The following LRRC71 variants were observed in gnomAD, a reference collection of about 807,000 sequenced individuals.
LRRC71 encodes the protein leucine rich repeat containing 71.
Under a neutral mutation model 66.6 loss-of-function variants are expected in LRRC71, and 54 were observed. The ratio of observed to expected loss-of-function variants is 0.81; its 90% CI spans 0.65 to 1.02. The LOEUF (loss-of-function observed/expected upper bound fraction) is 1.02, where lower values mean the gene tolerates loss of function less well. Ranked by LOEUF, LRRC71 falls within the 50% of genes least tolerant of loss-of-function variation. The pLI is 0.00. For missense variants in LRRC71, 724 were observed against 718.0 expected (o/e 1.01, Z -0.10); for synonymous variants, 323 against 303.9 (o/e 1.06, Z -0.65).
downstream of LRRC71, chr1:156,936,094 C>G (rs1655015257): frequency 6.3e-7 from 1 of 1,598,950 alleles, no homozygotes; most frequent in Non-Finnish European, 8.6e-7. Flanking sequence ...AACTGGCCAG[C>G]CTGAGGTGAC....
At position 156,927,371 on chromosome 1, in the gene LRRC71, G is replaced by A. The variant is rs909990244; in HGVS notation, c.662+101G>A. The A allele has an allele frequency of 1.5e-5, 23 of 1,531,400 alleles. No individual in the cohort carries two copies. In the African/African-American group the frequency reaches 2.6e-4, roughly 17 times the overall value. The allele number at this position is 1,531,400 out of a possible 1,614,324, so 94.9% of individuals were successfully genotyped here. A position where few individuals can be genotyped will look rare whatever the true frequency, so the allele number is the denominator to read the frequency against. On this transcript the variant is annotated intron_variant, in intron 6 of 14. Transcript: ENST00000337428. ...CTTGTCCCCCTACCATCTCGGCAAG[G>A]GCCCTCGATTTCTGCCCCTACATCC...
Position 156,924,948 on chromosome 1 carries a change from G to A in LRRC71, c.526G>A (p.Val176Met). The A allele has an allele frequency of 6.4e-7, 1 of 1,551,706 alleles. No individual in the cohort carries two copies. The highest frequency in any genetic ancestry group is 8.7e-7 in the Non-Finnish European group (1 of 1,146,990). The change falls in exon 5 of 15, where the codon GTG (valine) becomes ATG (methionine). Residue 176 changes from valine (V) to methionine (M), a missense_variant. Physicochemically the swap from Val to Met is conservative, Grantham distance 21 (BLOSUM62 1). Transcript: ENST00000337428. The part of the protein sequence containing the change: ...TQLQAINLWK[V>M]GLTDKTLTTF... ...TCCCGCCCACGACAGCTTGTGGAAG[G>A]TGGGGCTGACCGATAAGACCCTGAC...
At position 156,924,055 on chromosome 1, in the gene LRRC71, G is replaced by A. The variant is rs1027579440; in HGVS notation, c.267G>A (p.Pro89=). The part of the protein sequence containing the change: ...PKVVNRPRPH[P]PFVPSASLSE... Reference sequence around the variant, plus strand: ...TTGTCAACCGGCCCCGCCCCCACCCGCCCTTCGTCCCCTCCGCCTCTTTGT... The same window carrying A: ...TTGTCAACCGGCCCCGCCCCCACCCACCCTTCGTCCCCTCCGCCTCTTTGT... The change falls in exon 2 of 15, where the codon CCG becomes CCA. Residue 89 remains proline (P), a synonymous_variant. Coordinates refer to ENST00000337428, the MANE Select transcript of LRRC71 (RefSeq NM_144702.3). The A allele has an allele frequency of 6.4e-5, 44 of 685,846 alleles. No individual in the cohort carries two copies. The highest frequency in any genetic ancestry group is 8.7e-5 in the Non-Finnish European group (38 of 438,992). The allele number at this position is 685,846 out of a possible 1,614,324, so 42.5% of individuals were successfully genotyped here.
chr1:156,921,107 A>G lies in LRRC71; in HGVS notation c.160+144A>G, dbSNP rs918840294. The G allele has an allele frequency of 7.7e-6, 8 of 1,041,028 alleles. No individual in the cohort carries two copies. In the African/African-American group the frequency reaches 9.9e-5, roughly 13 times the overall value. 64.5% of individuals were successfully genotyped at this position (1,041,028 alleles called of 1,614,324 possible). On this transcript the variant is annotated intron_variant, in intron 1 of 14. Coordinates refer to ENST00000337428, the MANE Select transcript of LRRC71 (RefSeq NM_144702.3). ...GAATCTCGGCTTGATAGATGTTTCA[A>G]TTGAACTTGATCTTAAAGAACCCAC...
chr1:156,939,818 G>C, the LRRC71 span: 1 of 1,613,616 alleles, frequency 6.2e-7, no homozygotes, highest in South Asian at 1.1e-5. Context: ...GAAGGTGTGG[G>C]TGTCAGGTCG....
chr1:156,937,594 G>C (rs1655749817), downstream of LRRC71: 1 of 1,330,626 alleles, frequency 7.5e-7, no homozygotes, highest in African/African-American at 1.5e-5. Flanking sequence ...GACAGAGCAG[G>C]CCAGGCAGTC....
chr1:156,936,063 GGGA>G (rs750766623), downstream of LRRC71: 10 of 1,614,050 alleles, frequency 6.2e-6, no homozygotes, highest in Admixed American at 1.7e-5. Flanking sequence ...CAGAGCCTGT[GGGA>G]GGAGGATGAA....
rs377343279 is a variant in LRRC71, at chr1:156,920,767, C to T, written c.-37C>T. 4.1e-6 allele frequency: 6 copies of T among 1,472,564 alleles called. No homozygotes were observed. The highest frequency in any genetic ancestry group is 5.2e-5 in the East Asian group (2 of 38,374). 91.2% of individuals were successfully genotyped at this position (1,472,564 alleles called of 1,614,324 possible). A position where few individuals can be genotyped will look rare whatever the true frequency, so the allele number is the denominator to read the frequency against. The stretch of plus-strand genomic sequence containing the variant: ...AGAGTGCGTTCTTACCTTCCTGCCC[C>T]GACGAAGGTCCCAGAGACGCTGCGG... On this transcript the variant is annotated 5_prime_UTR_variant, in exon 1 of 15. Transcript: ENST00000337428. The surrounding 1 kb of genome is among the most constrained non-coding windows in gnomAD (Gnocchi z 4.9).
intron 12 of LRRC71, among the ~76,000 whole-genome samples, chr1:156,931,509 G>A (rs543978041): frequency 1.3e-5 from 2 of 152,260 alleles, no homozygotes; most frequent in African/African-American, 2.4e-5. Flanking sequence ...ATTGCTCTAG[G>A]TGTTGGGAAA....
Position 156,929,392 on chromosome 1 carries a change from C to T in LRRC71, c.1109C>T (p.Thr370Ile), listed in dbSNP as rs750793452. The change falls in exon 10 of 15, where the codon ACC (threonine) becomes ATC (isoleucine). Residue 370 changes from threonine to isoleucine, a missense_variant. Physicochemically the swap from Thr to Ile is moderately conservative, Grantham distance 89. Transcript: ENST00000337428. ...ACAGACAAGACGCAGACAATGAAAA[C>T]CCCTAAGGGCCTGGGCAAGAAAAAG... ...DKTDKTQTMK[T>I]PKGLGKKKEK... 2.5e-6 allele frequency: 4 copies of T among 1,613,694 alleles called. No individual in the cohort carries two copies. Among genetic ancestry groups the T allele is most frequent in the African/African-American group, 1.3e-5 (1 of 74,916 alleles).
intron 11 of LRRC71, among the ~76,000 whole-genome samples, chr1:156,930,081 C>CTTTCTTTCTTTCT (rs1557793274): frequency 1.1e-5 from 1 of 90,032 alleles, no homozygotes; most frequent in Non-Finnish European, 2.1e-5. Flanking sequence ...TCTTTCTTTT[C>CTTTCTTTCTTTCT]TTTCTTTCTT....
At position 156,932,252 on chromosome 1, in the gene LRRC71, G is replaced by A. The variant is rs1654484566; in HGVS notation, c.1442-172G>A. The A allele has an allele frequency of 1.2e-5, 8 of 668,694 alleles. No homozygotes were observed. The East Asian group carries it at 2.2e-4, about 18-fold the overall frequency. The allele number at this position is 668,694 out of a possible 1,614,324, so 41.4% of individuals were successfully genotyped here. Reference sequence around the variant, plus strand: ...GAGTAATGAGAGGAGTTAGAGAGATGGGGAGTGTGTGAGTAAGAGCTGAGT... The same window carrying A: ...GAGTAATGAGAGGAGTTAGAGAGATAGGGAGTGTGTGAGTAAGAGCTGAGT... On this transcript the variant is annotated intron_variant, in intron 13 of 14. Transcript: ENST00000337428.
In LRRC71 at chr1:156,929,270, G is replaced by A; in HGVS notation, c.997-10G>A. 6.3e-7 allele frequency: 1 copy of A among 1,593,680 alleles called. No individual in the cohort carries two copies. Among genetic ancestry groups the A allele is most frequent in the Non-Finnish European group, 8.5e-7 (1 of 1,169,862 alleles). On this transcript the variant is annotated splice_polypyrimidine_tract_variant and intron_variant, in intron 9 of 14. Coordinates refer to ENST00000337428, the MANE Select transcript of LRRC71 (RefSeq NM_144702.3). ...CTTCTTCCCCCCTTCCCTCCCATTT[G>A]TGAGCACAGCCCTCCTCCTCTCGAC...
chr1:156,920,967 C>A lies in LRRC71; in HGVS notation c.160+4C>A. The A allele has an allele frequency of 6.7e-7, 1 of 1,498,462 alleles. No individual in the cohort carries two copies. The highest frequency in any genetic ancestry group is 1.3e-5 in the South Asian group (1 of 76,810). The allele number at this position is 1,498,462 out of a possible 1,614,324, so 92.8% of individuals were successfully genotyped here. ...GAGGAGGAGCCCAAAAGCCCTGGTA[C>A]GCTGGCGCCGGGGTTTGGGGATCGG... On this transcript the variant is annotated splice_donor_region_variant and intron_variant, in intron 1 of 14. Coordinates refer to ENST00000337428, the MANE Select transcript of LRRC71 (RefSeq NM_144702.3). The surrounding 1 kb of genome is among the most constrained non-coding windows in gnomAD (Gnocchi z 4.9).
intron 1 of LRRC71, 97 bp downstream of exon 1, chr1:156,921,060 T>A: frequency 3.0e-6 from 4 of 1,318,972 alleles, no homozygotes; most frequent in East Asian, 2.9e-5. Context: ...GCTGAACTCA[T>A]ACATACCTAC....
intron 13 of LRRC71, 138 bp downstream of exon 13, chr1:156,932,165 C>A (rs1449384628): frequency 1.0e-5 from 8 of 764,372 alleles, no homozygotes; most frequent in Non-Finnish European, 1.8e-5. Context: ...GGCTCTCTGG[C>A]ACAGGGCTGG....
chr1:156,936,495 A>ATATATAT (rs1330599702), downstream of LRRC71, among the ~76,000 whole-genome samples: 555 of 56,812 alleles, frequency 9.8e-3, 1 homozygote, highest in East Asian at 0.042. Context: ...AAAAAAAAAA[A>ATATATAT]AAATATATAT....
At chr1:156,936,496 AAATATATAT>A (rs1423990146), downstream of LRRC71, among the ~76,000 whole-genome samples, 4 of 77,736 alleles carry the variant, frequency 5.1e-5, no homozygotes, top group African/African-American at 2.3e-4. Context: ...AAAAAAAAAA[AAATATATAT>A]ATATATATAT....
At chr1:156,937,283 A>G, downstream of LRRC71, 1 of 1,613,916 alleles carries the variant, frequency 6.2e-7, no homozygotes, top group Non-Finnish European at 8.5e-7. Context: ...GAGCTGCTCA[A>G]TGGTATGGAA....
Sources: allele counts gnomAD v4.1 joint callset (sites outside exome capture counted in the v4.1 genomes callset), GRCh38; gene constraint gnomAD v4.1.1; non-coding constraint Gnocchi (gnomAD v3.1); transcripts MANE v1.5; gene names NCBI Gene and HGNC (gene_info 2026-07-23, HGNC 2026-07-21).